Variants in PTCH1 observed in about 807,000 individuals in gnomAD.
PTCH1 encodes the protein protein patched homolog 1.
PTCH1 carries 14 observed loss-of-function variants against 144.6 expected under a neutral mutation model. The ratio of observed to expected loss-of-function variants is 0.10; its 90% confidence interval spans 0.06 to 0.15. PTCH1 has a LOEUF of 0.15. PTCH1 is among the 10% of genes least tolerant of loss of function. The pLI, the probability that PTCH1 is intolerant of heterozygous loss-of-function variation, is 1.00. For missense variants in PTCH1, 1,623 were observed against 1,948.3 expected, an observed-to-expected ratio of 0.83 and a Z score of 3.14; for synonymous variants, 833 against 793.6, an observed-to-expected ratio of 1.05 and a Z score of -0.83.
chr9:95,516,101 C>T (rs1844351275), intron 1 of PTCH1, among the ~76,000 whole-genome samples: 1 of 152,030 alleles, frequency 6.6e-6, no homozygotes, highest in Non-Finnish European at 1.5e-5. Context: ...GCCAAGGTGG[C>T]GACCCTTTCA....
upstream of PTCH1, among the ~76,000 whole-genome samples, chr9:95,509,312 C>G: frequency 6.6e-6 from 1 of 152,200 alleles, no homozygotes; most frequent in Admixed American, 6.5e-5. Flanking sequence ...GGAGCTCCCG[C>G]CCCCGGGGCT....
rs1841073512 is a variant in PTCH1 at position 95,476,778 on chromosome 9, T to C, written c.1583A>G (p.Asn528Ser). 6 of 1,614,026 alleles carry C rather than the reference T, an allele frequency of 3.7e-6. No individual in the cohort carries two copies. The highest frequency in any genetic ancestry group is 1.1e-5 in the South Asian group (1 of 91,022). ...LAHAFSETGQNKRIPFEDRTG... is the reference protein window; with the variant it reads ...LAHAFSETGQSKRIPFEDRTG... ...CATTACCTCAAAAGGGATTCTTTTA[T>C]TCTGTCCTGTTTCACTGAAGGCGTG... Residue 528 changes from asparagine (N) to serine (S), a missense_variant, in exon 11 of 24, where the codon AAT becomes AGT. Transcript: ENST00000331920. The surrounding 1 kb of genome is among the most constrained non-coding windows in gnomAD (Gnocchi z 4.6).
chr9:95,476,867 AAAC>A lies in PTCH1; in HGVS notation c.1504-13_1504-11del. 1 of 1,612,228 alleles carries A rather than the reference AAAC, an allele frequency of 6.2e-7. No individual in the cohort carries two copies. The highest frequency in any genetic ancestry group is 8.5e-7 in the Non-Finnish European group (1 of 1,178,552). The stretch of plus-strand genomic sequence containing the variant: ...CGAGAAATGGCAAAACCTACAGCAA[AAAC>A]AGAGGATGGTGGCATTAGACATGCG... On this transcript the variant is annotated splice_polypyrimidine_tract_variant and intron_variant, in intron 10 of 23. Coordinates refer to ENST00000331920, the MANE Select transcript of PTCH1 (RefSeq NM_000264.5). The surrounding 1 kb of genome is among the most constrained non-coding windows in gnomAD (Gnocchi z 4.6).
intron 7 of PTCH1, chr9:95,479,731 T>A: frequency 1.6e-6 from 1 of 630,288 alleles, no homozygotes. Flanking sequence ...AACCCTATAG[T>A]CAGGAACTAT....
At position 95,447,317 on chromosome 9, in the gene PTCH1, T is replaced by C. The variant is rs2136581361; in HGVS notation, c.3939A>G (p.Pro1313=). ...CGTCTCTGCGCGGTCTGTAGGGGGGTGGCCACAAGCCTTCTCTGGGGGGGT... is the reference window on the plus strand; with the variant it reads ...CGTCTCTGCGCGGTCTGTAGGGGGGCGGCCACAAGCCTTCTCTGGGGGGGT... ...RRDPPREGLW[P]PPYRPRRDAF... is the part of the protein sequence containing the mutation. The change falls in exon 23 of 24, where the codon CCA becomes CCG. Residue 1313 remains proline (P), a synonymous_variant. Transcript: ENST00000331920. The C allele has an allele frequency of 1.9e-6, 3 of 1,612,482 alleles. No homozygotes were observed. The highest frequency in any genetic ancestry group is 2.5e-6 in the Non-Finnish European group (3 of 1,179,696).
intron 14 of PTCH1, 59 bp from the exon 15 acceptor site, chr9:95,467,484 A>G (rs1162357951): frequency 3.9e-6 from 6 of 1,546,130 alleles, no homozygotes; most frequent in Non-Finnish European, 5.3e-6. Flanking sequence ...CTTCCTGGAC[A>G]AAGAGAAGCT....
rs766702078 is a variant in PTCH1 at position 95,460,491 on chromosome 9, C to T, written c.2704-708G>A. On this transcript the variant is annotated intron_variant, in intron 16 of 23. Coordinates refer to ENST00000331920, the MANE Select transcript of PTCH1 (RefSeq NM_000264.5). ...ACGTTTTATATACATAGAAAAATTC[C>T]GTTTCCTGTTTATTTTAGATTCAGG... Among the ~76,000 whole-genome samples the T allele has an allele frequency of 4.6e-5, 7 of 152,240 alleles. No individual in the cohort carries two copies. In the East Asian group the frequency reaches 5.8e-4, roughly 13 times the overall value.
chr9:95,504,166 T>TA (rs1235080975), intron 2 of PTCH1, among the ~76,000 whole-genome samples: 1 of 148,262 alleles, frequency 6.7e-6, no homozygotes, highest in Non-Finnish European at 1.5e-5. Context: ...TAGTACTGAG[T>TA]AAATAACATT....
intron 12 of PTCH1, among the ~76,000 whole-genome samples, chr9:95,473,386 C>A (rs1417462104): frequency 6.6e-6 from 1 of 152,062 alleles, no homozygotes; most frequent in Non-Finnish European, 1.5e-5. Flanking sequence ...ACTGAACACC[C>A]AGAGTCAAAC....
intron 2 of PTCH1, among the ~76,000 whole-genome samples, chr9:95,498,801 A>G (rs1167842681): frequency 6.6e-6 from 1 of 152,216 alleles, no homozygotes; most frequent in East Asian, 1.9e-4. Context: ...AGAATCCCGC[A>G]GAGCTTCCTC....
In PTCH1 at chr9:95,468,915, T is replaced by C. The variant is rs1588574496; in HGVS notation, c.2086A>G (p.Thr696Ala). 1 of 1,613,984 alleles carries C rather than the reference T, an allele frequency of 6.2e-7. No individual in the cohort carries two copies. Among genetic ancestry groups the C allele is most frequent in the African/African-American group, 1.3e-5 (1 of 74,974 alleles). The change falls in exon 14 of 24, where the codon ACC becomes GCC. Residue 696 changes from threonine (T) to alanine (A), a missense_variant. Physicochemically the swap from Thr to Ala is moderately conservative, Grantham distance 58. Transcript: ENST00000331920. ...SVQPVTVTQD[T>A]LSCQSPESTS... is the part of the protein sequence containing the mutation. ...CTCTCTGGGCTCTGGCAGCTGAGGG[T>C]GTCCTGTGTCACGGTGACGGGCTGC... is the stretch of plus-strand genomic sequence containing the variant.
At chr9:95,503,666 A>G (rs1235024700) in intron 2 of PTCH1, among the ~76,000 whole-genome samples, 1 of 152,222 alleles carries the variant, frequency 6.6e-6, no homozygotes, top group Non-Finnish European at 1.5e-5. Context: ...ATAGTTTCCC[A>G]TCTGTAAAAT....
At chr9:95,512,275 CTT>C (rs1844194084), upstream of PTCH1, among the ~76,000 whole-genome samples, 1 of 152,224 alleles carries the variant, frequency 6.6e-6, no homozygotes, top group Non-Finnish European at 1.5e-5. Flanking sequence ...GATGGGTTAA[CTT>C]TTCAGCATCT....
At chr9:95,505,873 C>T (rs1843547658) in intron 2 of PTCH1, among the ~76,000 whole-genome samples, 2 of 148,994 alleles carry the variant, frequency 1.3e-5, no homozygotes, top group Admixed American at 6.7e-5. Flanking sequence ...TCCGCAGCCC[C>T]GCGCTGCGCC....
chr9:95,507,278 C>T (rs1843755486), intron 1 of PTCH1: 2 of 985,392 alleles, frequency 2.0e-6, no homozygotes, highest in South Asian at 4.7e-5. Flanking sequence ...TTTCCCTCCT[C>T]TCCCTTCCTT....
At chr9:95,507,932 A>C (rs1022622510) in intron 1 of PTCH1, 53 of 1,432,560 alleles carry the variant, frequency 3.7e-5, no homozygotes, top group South Asian at 3.0e-4. Flanking sequence ...ACACACACAC[A>C]CCTCCACCCC....
upstream of PTCH1, among the ~76,000 whole-genome samples, chr9:95,513,365 C>A (rs1465058249): frequency 1.3e-5 from 2 of 152,178 alleles, no homozygotes; most frequent in African/African-American, 4.8e-5. Context: ...ATTTTGTCTA[C>A]TGAGTTTAAT....
intron 2 of PTCH1, among the ~76,000 whole-genome samples, chr9:95,501,104 A>G (rs1315796176): frequency 6.6e-6 from 1 of 152,218 alleles, no homozygotes; most frequent in Non-Finnish European, 1.5e-5. Flanking sequence ...ACTCCATCAT[A>G]ATAAACGTCT....
rs573996011 is a variant in PTCH1, at chr9:95,476,971, C to T, written c.1504-114G>A. 57 of 952,122 alleles carry T rather than the reference C, an allele frequency of 6.0e-5. No homozygotes were observed. The highest frequency in any genetic ancestry group is 2.1e-4 in the Middle Eastern group (1 of 4,836). 59.0% of individuals were successfully genotyped at this position (952,122 alleles called of 1,614,324 possible). ...CTAACAGCTCCTGAAGCAGGGCTTC[C>T]GTAACCTCATGGTGAAGAATTCACT... On this transcript the variant is annotated intron_variant, in intron 10 of 23. Transcript: ENST00000331920. The surrounding 1 kb of genome is among the most constrained non-coding windows in gnomAD (Gnocchi z 4.6).
Sources: gnomAD v4.1 joint callset for allele counts (sites outside exome capture counted in the v4.1 genomes callset) on GRCh38, gnomAD v4.1.1 for gene constraint, Gnocchi (gnomAD v3.1) non-coding constraint, MANE v1.5 for transcripts, NCBI Gene and HGNC (gene_info 2026-07-23, HGNC 2026-07-21) for gene names.